DNAH12: variants seen among roughly 807,000 people sequenced by gnomAD.
The protein encoded by DNAH12 is axonemal beta dynein heavy chain 12.
Under a neutral mutation model 371.5 loss-of-function variants are expected in DNAH12, and 285 were observed. The observed-to-expected ratio is 0.77, with a 90% CI of 0.70 to 0.85. The LOEUF is 0.85. Ranked by LOEUF, DNAH12 falls within the 40% of genes least tolerant of loss-of-function variation. The pLI, the probability that DNAH12 is intolerant of heterozygous loss-of-function variation, is 0.00. For missense variants in DNAH12, 3,611 were observed against 3,689.4 expected (o/e 0.98, Z 0.55); for synonymous variants, 1,200 against 1,213.0 (o/e 0.99, Z 0.22).
intron 13 of DNAH12, among the ~76,000 whole-genome samples, chr3:57,477,670 C>A (rs1238597311): frequency 1.3e-5 from 2 of 152,154 alleles, no homozygotes; most frequent in Non-Finnish European, 2.9e-5. Context: ...TGGGAGGCAC[C>A]CCCCAGTAGG....
the DNAH12 span, among the ~76,000 whole-genome samples, chr3:57,552,601 A>T: frequency 6.6e-6 from 1 of 152,080 alleles, no homozygotes; most frequent in Non-Finnish European, 1.5e-5. Context: ...CTAGAAAGTT[A>T]TTTATTTTGA....
chr3:57,433,298 G>A, intron 32 of DNAH12, 69 bp downstream of exon 32: 3 of 1,462,416 alleles, frequency 2.1e-6, no homozygotes, highest in Non-Finnish European at 9.0e-7. Context: ...TAGAGTCCTA[G>A]TTTAGTTGCT....
chr3:57,495,866 AAT>A (rs2067297647), intron 11 of DNAH12, among the ~76,000 whole-genome samples: 1 of 143,018 alleles, frequency 7.0e-6, no homozygotes, highest in South Asian at 2.1e-4. Context: ...ATATTTTATA[AAT>A]ATATATTTTT....
chr3:57,493,521 C>A (rs1372805727), intron 11 of DNAH12: 1 of 152,056 alleles, frequency 6.6e-6, no homozygotes, highest in Non-Finnish European at 1.5e-5. Context: ...CAACTATATA[C>A]CATCCCTGAA....
At chr3:57,555,960 C>G in the DNAH12 span, among the ~76,000 whole-genome samples, 3 of 152,244 alleles carry the variant, frequency 2.0e-5, no homozygotes, top group African/African-American at 7.2e-5. Flanking sequence ...GTCCCGGGCG[C>G]AGGGAGGAGA....
chr3:57,304,062 C>A (rs1324992012), intron 69 of DNAH12, among the ~76,000 whole-genome samples: 1 of 150,200 alleles, frequency 6.7e-6, no homozygotes, highest in East Asian at 2.0e-4. Flanking sequence ...TGTGACCCCC[C>A]ACTCCTGCCC....
Position 57,309,837 on chromosome 3 carries a change from T to C in DNAH12, c.10914A>G (p.Gln3638=), listed in dbSNP as rs1026872744. ...IEFIKKLPFT[Q]HPEIFGLHEN... ...CATGTAATCCAAATATCTCAGGGTG[T>C]TGAGTAAATGGAAGTTTCTACCAGA... is the stretch of plus-strand genomic sequence containing the variant. Residue 3638 remains glutamine (Q), a synonymous_variant, in exon 68 of 74, where the codon CAA becomes CAG. Coordinates refer to ENST00000495027, the MANE Select transcript of DNAH12 (RefSeq NM_001366028.2). 13 of 1,545,102 alleles carry C rather than the reference T, an allele frequency of 8.4e-6. No individual in the cohort carries two copies. The highest frequency in any genetic ancestry group is 8.3e-5 in the African/African-American group (6 of 72,646).
At chr3:57,344,870 G>C (rs1553657543) in intron 60 of DNAH12, among the ~76,000 whole-genome samples, 1 of 152,104 alleles carries the variant, frequency 6.6e-6, no homozygotes, top group Non-Finnish European at 1.5e-5. Flanking sequence ...ACTGTAGGAT[G>C]AGTGTAGTTA....
intron 20 of DNAH12, among the ~76,000 whole-genome samples, chr3:57,458,735 GCACAGA>G (rs2065971690): frequency 6.6e-6 from 1 of 152,132 alleles, no homozygotes. Flanking sequence ...TTTTATTGTA[GCACAGA>G]CACACTCATT....
chr3:57,498,033 T>G lies in DNAH12; in HGVS notation c.1335+3288A>C, dbSNP rs956755578. 2.6e-5 allele frequency: 4 copies of G among 153,028 alleles called. No individual in the cohort carries two copies. In the East Asian group the frequency reaches 7.7e-4, roughly 29 times the overall value. The allele number at this position is 153,028 out of a possible 1,614,324, so 9.5% of individuals were successfully genotyped here. A position where few individuals can be genotyped will look rare whatever the true frequency, so the allele number is the denominator to read the frequency against. ...TGTACAAACAAAAGACACTTTATTT[T>G]TATTAGTAAAAAGATACACAGATGG... On this transcript the variant is annotated intron_variant, in intron 11 of 73. Coordinates refer to ENST00000495027, the MANE Select transcript of DNAH12 (RefSeq NM_001366028.2).
chr3:57,508,768 G>A (rs943607035), intron 6 of DNAH12, among the ~76,000 whole-genome samples: 5 of 152,152 alleles, frequency 3.3e-5, no homozygotes, highest in African/African-American at 1.2e-4. Flanking sequence ...TGTGAGTAAG[G>A]CAGAGTGATG....
chr3:57,335,582 A>G (rs375977135), intron 60 of DNAH12, among the ~76,000 whole-genome samples: 1 of 152,268 alleles, frequency 6.6e-6, no homozygotes, highest in East Asian at 1.9e-4. Context: ...TCTGTACAGC[A>G]TATTACTGTA....
chr3:57,400,629 T>C (rs1176276011), intron 43 of DNAH12, among the ~76,000 whole-genome samples: 1 of 152,196 alleles, frequency 6.6e-6, no homozygotes, highest in Non-Finnish European at 1.5e-5. Context: ...CATACTGTAA[T>C]AAAAGTTATG....
rs11392001 is a variant in DNAH12, at chr3:57,535,840, AT to A, written c.170+6860del. On this transcript the variant is annotated intron_variant, in intron 2 of 73. Transcript: ENST00000495027. ...TACAGGCGTGAGCCACCACACCCCAATTTTTTTTTTTTTTTGAGACAGAGTC... is the reference window on the plus strand; with the variant it reads ...TACAGGCGTGAGCCACCACACCCCAATTTTTTTTTTTTTTGAGACAGAGTC... 6.1e-3 allele frequency among the ~76,000 whole-genome samples: 806 copies of A among 131,156 alleles called. 9 individuals are homozygous for A. The highest frequency in any genetic ancestry group is 9.1e-3 in the Non-Finnish European group (559 of 61,496). 86.0% of individuals were successfully genotyped at this position (131,156 alleles called of 152,430 possible). A position where few individuals can be genotyped will look rare whatever the true frequency, so the allele number is the denominator to read the frequency against.
At chr3:57,446,746 G>T in intron 25 of DNAH12, 57 bp from the exon 26 acceptor site, 1 of 1,377,134 alleles carries the variant, frequency 7.3e-7, no homozygotes, top group South Asian at 2.0e-5. Context: ...AAAAACAACA[G>T]ACACTTGTTT....
Position 57,366,739 on chromosome 3 carries a change from C to T in DNAH12, c.9157G>A (p.Ala3053Thr), listed in dbSNP as rs934304096. 8 of 152,156 alleles carry T rather than the reference C, an allele frequency of 5.3e-5. No individual in the cohort carries two copies. Among genetic ancestry groups the T allele is most frequent in the Non-Finnish European group, 8.8e-5 (6 of 68,038 alleles). 9.4% of individuals were successfully genotyped at this position (152,156 alleles called of 1,614,324 possible). The change falls in exon 57 of 74, where the codon GCA (alanine) becomes ACA (threonine). Residue 3053 changes from alanine to threonine, a missense_variant. Ala to Thr is a moderately conservative substitution (Grantham distance 58, BLOSUM62 0). This residue lies in a region of DNAH12 where 2,266 missense variants were observed against 2,236.9 expected (regional missense o/e 1.01). Transcript: ENST00000495027. ...TAAGAAAATACATACCTCTCCTTTG[C>T]AACAACAATACCTAGTAATTGATCT... ...LEDQLLGIVV[A>T]KERPELEEER... is the part of the protein sequence containing the mutation.
intron 55 of DNAH12, among the ~76,000 whole-genome samples, chr3:57,368,801 T>C (rs1163405415): frequency 1.3e-5 from 2 of 151,614 alleles, no homozygotes; most frequent in African/African-American, 4.9e-5. Context: ...GAACATATGA[T>C]TCATGGTTCA....
intron 2 of DNAH12, chr3:57,530,608 C>T: frequency 3.4e-6 from 2 of 595,518 alleles, no homozygotes; most frequent in Non-Finnish European, 6.2e-6. Context: ...TTCTTGCAGC[C>T]CAGGGACAAT....
At chr3:57,329,877 A>G (rs2062049547) in intron 62 of DNAH12, among the ~76,000 whole-genome samples, 1 of 152,228 alleles carries the variant, frequency 6.6e-6, no homozygotes. Flanking sequence ...AAGAAAACAA[A>G]CAACCCCATC....
Sources: gnomAD v4.1 joint callset for allele counts (sites outside exome capture counted in the v4.1 genomes callset) on GRCh38, gnomAD v4.1.1 for gene constraint, gnomAD v4.1.1 regional missense constraint, MANE v1.5 for transcripts, NCBI Gene and HGNC (gene_info 2026-07-23, HGNC 2026-07-21) for gene names.